Variants in RFX4 observed in about 807,000 individuals in gnomAD.
RFX4 encodes transcription factor RFX4.
Under a neutral mutation model 95.0 loss-of-function variants are expected in RFX4, and 10 were observed. The ratio of observed to expected loss-of-function variants is 0.11; its 90% CI spans 0.06 to 0.18. RFX4 has a LOEUF of 0.18. Ranked by LOEUF, RFX4 falls within the 10% of genes least tolerant of loss-of-function variation. RFX4 has a pLI of 1.00. For synonymous variants in RFX4, 321 were observed against 340.7 expected, an observed-to-expected ratio of 0.94 and a Z score of 0.64; for missense variants, 640 against 922.0, an observed-to-expected ratio of 0.69 and a Z score of 3.96.
chr12:106,645,539 T>G (rs961123663), intron 3 of RFX4, among the ~76,000 whole-genome samples: 2 of 152,126 alleles, frequency 1.3e-5, no homozygotes, highest in African/African-American at 4.8e-5. Flanking sequence ...TGAAAAAAAT[T>G]AAATTGAGGA....
intron 3 of RFX4, among the ~76,000 whole-genome samples, chr12:106,653,106 G>T (rs1402718128): frequency 6.6e-6 from 1 of 152,134 alleles, no homozygotes; most frequent in African/African-American, 2.4e-5. Flanking sequence ...GACCCTAAGA[G>T]AAGTTCCCAA....
At chr12:106,696,675 GT>G (rs2041887084) in intron 8 of RFX4, among the ~76,000 whole-genome samples, 1 of 152,166 alleles carries the variant, frequency 6.6e-6, no homozygotes, top group African/African-American at 2.4e-5. Flanking sequence ...ATGGTGTACA[GT>G]AAACAATCTC....
chr12:106,760,111 A>G (rs909598378), intron 17 of RFX4, among the ~76,000 whole-genome samples: 2 of 152,048 alleles, frequency 1.3e-5, no homozygotes, highest in Admixed American at 1.3e-4. Flanking sequence ...CCACTTTCCA[A>G]CTGTCAGGGA....
chr12:106,648,586 T>C (rs1218984637), intron 3 of RFX4, among the ~76,000 whole-genome samples: 1 of 148,710 alleles, frequency 6.7e-6, no homozygotes, highest in African/African-American at 2.5e-5. Context: ...TGTTGTCTTG[T>C]AAAGTCTGGG....
At chr12:106,606,880 C>T (rs1371961543) in intron 1 of RFX4, among the ~76,000 whole-genome samples, 1 of 152,206 alleles carries the variant, frequency 6.6e-6, no homozygotes, top group Non-Finnish European at 1.5e-5. Flanking sequence ...CGCGTGGCTT[C>T]TTTTTATGGT....
At chr12:106,624,212 A>C (rs928755256) in intron 2 of RFX4, among the ~76,000 whole-genome samples, 4 of 152,270 alleles carry the variant, frequency 2.6e-5, no homozygotes, top group African/African-American at 9.6e-5. Context: ...AGGATGAAAG[A>C]GGATTTGTCC....
intron 8 of RFX4, among the ~76,000 whole-genome samples, chr12:106,697,445 C>CTTTT (rs35656382): frequency 6.9e-6 from 1 of 145,290 alleles, no homozygotes; most frequent in Non-Finnish European, 1.5e-5. Context: ...TTTCATTTAC[C>CTTTT]TTTTTTTTTT....
chr12:106,697,634 A>T (rs533586773), intron 8 of RFX4, among the ~76,000 whole-genome samples: 1 of 151,976 alleles, frequency 6.6e-6, no homozygotes, highest in African/African-American at 2.4e-5. Context: ...AGTATGTGCC[A>T]TGCCTGTCTT....
chr12:106,632,883 G>A (rs150032622), intron 2 of RFX4, among the ~76,000 whole-genome samples: 281 of 152,184 alleles, frequency 1.8e-3, no homozygotes, highest in African/African-American at 6.1e-3. Flanking sequence ...CACTACAGGT[G>A]CATGCCACCG....
At chr12:106,748,662 A>G (rs11113101) in intron 16 of RFX4, among the ~76,000 whole-genome samples, 198 of 152,282 alleles carry the variant, frequency 1.3e-3, no homozygotes, top group African/African-American at 4.6e-3. Context: ...TTAACAAGAG[A>G]TCCTGACCGG....
intron 10 of RFX4, among the ~76,000 whole-genome samples, chr12:106,712,091 T>C (rs2137501917): frequency 6.6e-6 from 1 of 152,386 alleles, no homozygotes; most frequent in Non-Finnish European, 1.5e-5. Context: ...TCTAAGTCTG[T>C]TAAGGCAACC....
At chr12:106,585,926 A>T (rs1193009386) in intron 1 of RFX4, 1 of 152,210 alleles carries the variant, frequency 6.6e-6, no homozygotes, top group African/African-American at 2.4e-5. Flanking sequence ...CTTTGGGGCC[A>T]CTTCAGCATG....
At chr12:106,715,289 G>C in intron 10 of RFX4, 111 bp from the exon 11 acceptor site, 2 of 1,252,462 alleles carry the variant, frequency 1.6e-6, no homozygotes, top group Non-Finnish European at 2.2e-6. Flanking sequence ...CGGAATTTCA[G>C]GGTAGTTTGC....
At chr12:106,676,739 C>T (rs183639603) in intron 4 of RFX4, among the ~76,000 whole-genome samples, 7 of 152,238 alleles carry the variant, frequency 4.6e-5, no homozygotes, top group African/African-American at 1.7e-4. Context: ...AGAACATCTC[C>T]AAGAGGGTCA....
intron 13 of RFX4, among the ~76,000 whole-genome samples, chr12:106,722,479 GGAGAAT>G (rs1373526206): frequency 1.3e-5 from 2 of 152,178 alleles, no homozygotes; most frequent in Non-Finnish European, 2.9e-5. Context: ...AGCTTGAGCA[GGAGAAT>G]GATTAGGCTT....
chr12:106,667,944 C>T (rs1341621101), intron 4 of RFX4, among the ~76,000 whole-genome samples: 20 of 152,166 alleles, frequency 1.3e-4, no homozygotes, highest in Admixed American at 1.3e-3. Flanking sequence ...AGGAGCAAAA[C>T]ACTGGAGCAT....
intron 11 of RFX4, 177 bp downstream of exon 11, chr12:106,715,721 G>T (rs1378837990): frequency 1.4e-6 from 1 of 703,968 alleles, no homozygotes; most frequent in Admixed American, 2.9e-5. Context: ...TGATTGACTT[G>T]AGAGGACATG....
intron 15 of RFX4, 120 bp downstream of exon 15, chr12:106,733,205 T>C: frequency 8.9e-7 from 1 of 1,117,922 alleles, no homozygotes; most frequent in Admixed American, 1.9e-5. Context: ...ACATCTTGGC[T>C]CACACCTGTA....
rs764502127 is a variant in RFX4 at position 106,732,205 on chromosome 12, G to A, written c.1427G>A (p.Arg476Gln). 50 of 1,613,818 alleles carry A rather than the reference G, an allele frequency of 3.1e-5. No individual in the cohort carries two copies. The highest frequency in any genetic ancestry group is 1.5e-4 in the South Asian group (14 of 91,068). The change falls in exon 14 of 18, where the codon CGG becomes CAG. Residue 476 changes from arginine to glutamine, a missense_variant. Coordinates refer to ENST00000392842, the MANE Select transcript of RFX4 (RefSeq NM_213594.3). The part of the protein sequence containing the change: ...YLLESLHCQE[R>Q]ANELMRAMKG... ...TTAGAATCTCTGCACTGTCAGGAGC[G>A]GGCCAATGAGCTCATGCGAGCCATG...
Sources: allele counts gnomAD v4.1 joint callset (sites outside exome capture counted in the v4.1 genomes callset), GRCh38; gene constraint gnomAD v4.1.1; transcripts MANE v1.5; gene names NCBI Gene and HGNC (gene_info 2026-07-23, HGNC 2026-07-21).